Variants in FAXC observed in about 807,000 individuals in gnomAD.
FAXC encodes the protein failed axon connections homolog, metaxin like GST domain containing.
Under a neutral mutation model 41.9 loss-of-function variants are expected in FAXC, and 10 were observed. That is an observed-to-expected ratio of 0.24 (90% CI 0.15 to 0.41). FAXC has a LOEUF of 0.41. FAXC is among the 10% of genes least tolerant of loss of function. FAXC has a pLI of 1.00. For synonymous variants in FAXC, 183 were observed against 183.8 expected, an observed-to-expected ratio of 1.00 and a Z score of 0.03; for missense variants, 399 against 510.9, an observed-to-expected ratio of 0.78 and a Z score of 2.11.
chr6:99,312,169 G>A (rs684094), intron 4 of FAXC, among the ~76,000 whole-genome samples: 6,436 of 152,278 alleles, frequency 0.042, 470 homozygotes, highest in African/African-American at 0.15. Flanking sequence ...AGACAAAGGA[G>A]GAATCTGCCA....
At chr6:99,328,602 T>A (rs1173122991) in intron 3 of FAXC, among the ~76,000 whole-genome samples, 1 of 152,244 alleles carries the variant, frequency 6.6e-6, no homozygotes, top group Non-Finnish European at 1.5e-5. Context: ...CTTGTGCAGA[T>A]GTTGCTCCCT....
intron 5 of FAXC, among the ~76,000 whole-genome samples, chr6:99,285,716 T>C (rs143279958): frequency 6.6e-6 from 1 of 152,108 alleles, no homozygotes; most frequent in Non-Finnish European, 1.5e-5. Flanking sequence ...CTCAGACAAC[T>C]TGAGAGGATA....
At chr6:99,323,362 A>T (rs1392283712) in intron 4 of FAXC, 82 bp downstream of exon 4, 18 of 1,231,326 alleles carry the variant, frequency 1.5e-5, no homozygotes, top group Non-Finnish European at 2.1e-5. Context: ...ATTAAAACAT[A>T]AATTAGTGAA....
intron 2 of FAXC, among the ~76,000 whole-genome samples, chr6:99,340,628 A>T (rs1333966108): frequency 6.6e-6 from 1 of 151,894 alleles, no homozygotes; most frequent in Non-Finnish European, 1.5e-5. Context: ...TGTTGCCTAA[A>T]AAGGATAAAA....
intron 3 of FAXC, among the ~76,000 whole-genome samples, chr6:99,328,213 A>T (rs1198806669): frequency 6.6e-6 from 1 of 152,124 alleles, no homozygotes; most frequent in African/African-American, 2.4e-5. Flanking sequence ...CTGAACGTTC[A>T]TGTCCCTCTA....
chr6:99,291,777 G>A lies in FAXC; in HGVS notation c.867C>T (p.Asp289=), dbSNP rs972690154. ...YIMGPKLSTL[D]ATVFGHLAQA... ...GTGCCAAGTGTCCAAAGACAGTGGC[G>A]TCAAGAGTGGAAAGCTTGGGCCCCA... Residue 289 remains aspartate (D), a synonymous_variant, in exon 5 of 6, where the codon GAC becomes GAT. Coordinates refer to ENST00000389677, the MANE Select transcript of FAXC (RefSeq NM_032511.4). The A allele has an allele frequency of 1.7e-5, 28 of 1,613,996 alleles. No homozygotes were observed. The highest frequency in any genetic ancestry group is 1.6e-4 in the Middle Eastern group (1 of 6,084).
At chr6:99,342,001 A>C (rs1017307369) in intron 2 of FAXC, among the ~76,000 whole-genome samples, 1 of 152,246 alleles carries the variant, frequency 6.6e-6, no homozygotes, top group Admixed American at 6.5e-5. Context: ...GAATTGAATG[A>C]CTATGAAAAC....
rs765302930 is a variant in FAXC at position 99,274,721 on chromosome 6, C to G, written c.*6443G>C. ...CATGTCACCCCTACTGAAGCAGAAG[C>G]CTTTAGCCTTATTTCTGTAAAAAAC... On this transcript the variant is annotated 3_prime_UTR_variant, in exon 6 of 6. Coordinates refer to ENST00000389677, the MANE Select transcript of FAXC (RefSeq NM_032511.4). 6.6e-6 allele frequency: 1 copy of G among 152,172 alleles called. No homozygotes were observed. 9.4% of individuals were successfully genotyped at this position (152,172 alleles called of 1,614,324 possible). A position where few individuals can be genotyped will look rare whatever the true frequency, so the allele number is the denominator to read the frequency against.
chr6:99,295,532 T>C (rs1480144445), intron 4 of FAXC, among the ~76,000 whole-genome samples: 1 of 152,182 alleles, frequency 6.6e-6, no homozygotes, highest in East Asian at 1.9e-4. Flanking sequence ...CAGATTTCCT[T>C]CTGCCTAACT....
chr6:99,349,468 G>GGGCGAGGGC lies in FAXC; in HGVS notation c.-97_-96insGCCCTCGCC. ...CGGCGCGGGCTCAGAGGCGCGCGGAGGGCGCGGGCGGCGCGGGCGGCGGCG... is the reference window on the plus strand; with the variant it reads ...CGGCGCGGGCTCAGAGGCGCGCGGAGGGCGAGGGCGGCGCGGGCGGCGCGGGCGGCGGCG... On this transcript the variant is annotated 5_prime_UTR_variant, in exon 1 of 6. Coordinates refer to ENST00000389677, the MANE Select transcript of FAXC (RefSeq NM_032511.4). 2.1e-6 allele frequency: 2 copies of GGGCGAGGGC among 935,992 alleles called. No individual in the cohort carries two copies. The highest frequency in any genetic ancestry group is 9.5e-5 in the South Asian group (2 of 21,094). 58.0% of individuals were successfully genotyped at this position (935,992 alleles called of 1,614,324 possible). A position where few individuals can be genotyped will look rare whatever the true frequency, so the allele number is the denominator to read the frequency against.
chr6:99,288,253 T>C (rs1365507853), intron 5 of FAXC, among the ~76,000 whole-genome samples: 2 of 152,230 alleles, frequency 1.3e-5, no homozygotes, highest in Non-Finnish European at 2.9e-5. Context: ...CAACAGTGTG[T>C]GTGTGCACAT....
intron 2 of FAXC, chr6:99,334,558 T>A: frequency 1.1e-6 from 1 of 899,878 alleles, no homozygotes; most frequent in Non-Finnish European, 1.3e-6. Flanking sequence ...AAGCTGCTAA[T>A]ACATCTAACA....
chr6:99,332,650 G>C (rs1773068655), intron 3 of FAXC, among the ~76,000 whole-genome samples: 1 of 152,126 alleles, frequency 6.6e-6, no homozygotes, highest in African/African-American at 2.4e-5. Flanking sequence ...TACAAACTAG[G>C]AGTTTGCAAT....
intron 4 of FAXC, among the ~76,000 whole-genome samples, chr6:99,311,351 T>C (rs1772146538): frequency 6.6e-6 from 1 of 152,094 alleles, no homozygotes; most frequent in Non-Finnish European, 1.5e-5. Flanking sequence ...CCGAGGTGGG[T>C]GGATCACGAG....
chr6:99,289,717 GTGTATA>G (rs1270723707), intron 5 of FAXC, among the ~76,000 whole-genome samples: 7 of 124,926 alleles, frequency 5.6e-5, no homozygotes, highest in African/African-American at 1.9e-4. Flanking sequence ...GTGTGTGTGT[GTGTATA>G]TATATATATA....
chr6:99,298,146 G>T (rs1278671816), intron 4 of FAXC, among the ~76,000 whole-genome samples: 1 of 152,070 alleles, frequency 6.6e-6, no homozygotes, highest in East Asian at 1.9e-4. Context: ...GGTGATTCTT[G>T]TGCACACTGA....
chr6:99,305,706 A>C (rs1176560089), intron 4 of FAXC, among the ~76,000 whole-genome samples: 1 of 53,006 alleles, frequency 1.9e-5, no homozygotes, highest in Non-Finnish European at 3.2e-5. Flanking sequence ...TGCATAATAC[A>C]TATTATAACA....
rs772946756 is a variant in FAXC at position 99,333,378 on chromosome 6, G to A, written c.572C>T (p.Thr191Ile). The A allele has an allele frequency of 1.2e-6, 2 of 1,613,258 alleles. No individual in the cohort carries two copies. The highest frequency in any genetic ancestry group is 2.7e-5 in the African/African-American group (2 of 74,832). ...PHERAISRAV[T>I]KMVEEHFYWT... is the part of the protein sequence containing the mutation. Reference sequence around the variant, plus strand: ...GTAGAAGTGCTCCTCCACCATCTTGGTCACCGCTCTGGAGATGGCTCTTTC... The same window carrying A: ...GTAGAAGTGCTCCTCCACCATCTTGATCACCGCTCTGGAGATGGCTCTTTC... The change falls in exon 3 of 6, where the codon ACC (threonine) becomes ATC (isoleucine). Residue 191 changes from threonine (T) to isoleucine (I), a missense_variant. Thr to Ile is a moderately conservative substitution (Grantham distance 89). Around this residue, in one of 3 missense-constraint regions of FAXC, gnomAD observed 239 missense variants for 352.7 expected, o/e 0.68. Transcript: ENST00000389677.
chr6:99,347,498 C>T (rs181893845), intron 1 of FAXC, among the ~76,000 whole-genome samples: 3 of 152,276 alleles, frequency 2.0e-5, no homozygotes, highest in East Asian at 3.9e-4. Flanking sequence ...TATATAGTCC[C>T]CTAAATGAGT....
Sources: allele counts gnomAD v4.1 joint callset (sites outside exome capture counted in the v4.1 genomes callset), GRCh38; gene constraint gnomAD v4.1.1; regional missense constraint gnomAD v4.1.1; transcripts MANE v1.5; gene names NCBI Gene and HGNC (gene_info 2026-07-23, HGNC 2026-07-21).